The following ARPP21 variants were observed in gnomAD, a reference collection of about 807,000 sequenced individuals.
ARPP21 encodes the protein cAMP regulated phosphoprotein 21.
A neutral mutation model predicts 113.2 loss-of-function variants in ARPP21; 69 were observed. That is an observed-to-expected ratio of 0.61 (90% CI 0.50 to 0.74). The LOEUF is 0.74. Among genes scored for constraint, ARPP21 ranks in the 30% least tolerant of loss-of-function variants. The probability of loss-of-function intolerance (pLI) is 0.00; values close to 1 mark genes in which losing one functional copy is unlikely to be tolerated. For synonymous variants in ARPP21, 368 were observed against 375.5 expected, an observed-to-expected ratio of 0.98 and a Z score of 0.23; for missense variants, 1,070 against 1,037.4, an observed-to-expected ratio of 1.03 and a Z score of -0.43.
At position 35,688,652 on chromosome 3, in the gene ARPP21, G is replaced by A. The variant is rs186786468; in HGVS notation, c.407-655G>A. On this transcript the variant is annotated intron_variant, in intron 6 of 20. Transcript: ENST00000684406. ...TCTGGTCAACTGAGAAATGACAACCGCCTCTAACAGTTATGTGTTCTATAA... is the reference window on the plus strand; with the variant it reads ...TCTGGTCAACTGAGAAATGACAACCACCTCTAACAGTTATGTGTTCTATAA... Among the ~76,000 whole-genome samples the A allele has an allele frequency of 3.3e-3, 495 of 151,662 alleles. 2 individuals carry two copies. Among genetic ancestry groups the A allele is most frequent in the African/African-American group, 0.011 (473 of 41,472 alleles).
At position 35,729,308 on chromosome 3, in the gene ARPP21, G is replaced by T; in HGVS notation, c.1231G>T (p.Glu411Ter). The T allele has an allele frequency of 2.5e-6, 4 of 1,612,868 alleles. No homozygotes were observed. Among genetic ancestry groups the T allele is most frequent in the Non-Finnish European group, 3.4e-6 (4 of 1,178,984 alleles). ...TGATTGTATCCCTATGCCAGGTTCCGAGTCTTCCAGCAGTGCAGGCTCCTC... is the reference window on the plus strand; with the variant it reads ...TGATTGTATCCCTATGCCAGGTTCCTAGTCTTCCAGCAGTGCAGGCTCCTC... ...STGKLSKAGSESSSSAGSSGS... is the reference protein window; with the variant it reads ...STGKLSKAGS Residue 411 changes from glutamate to a stop codon, truncating the protein, a stop_gained, in exon 15 of 21, where the codon GAG becomes TAG. Transcript: ENST00000684406. LOFTEE classifies it high-confidence loss of function.
intron 19 of ARPP21, among the ~76,000 whole-genome samples, chr3:35,747,640 AG>A (rs2095150817): frequency 6.6e-6 from 1 of 151,884 alleles, no homozygotes; most frequent in Non-Finnish European, 1.5e-5. Context: ...CTCATTAGCC[AG>A]GCATGGTGGT....
At position 35,792,508 on chromosome 3, in the gene ARPP21, A is replaced by G. The variant is rs751398601; in HGVS notation, c.2264A>G (p.Tyr755Cys). The change falls in exon 20 of 21, where the codon TAC becomes TGC. Residue 755 changes from tyrosine to cysteine, a missense_variant. Coordinates refer to ENST00000684406, the MANE Select transcript of ARPP21 (RefSeq NM_001385562.1). ...GTPVQSVMVSYPTMSSYQVPM... is the reference protein window; with the variant it reads ...GTPVQSVMVSCPTMSSYQVPM... ...CCGGTGCAAAGCGTGATGGTTTCCT[A>G]CCCAACAATGTCTTCTTATCAGGTG... The G allele has an allele frequency of 6.2e-7, 1 of 1,614,092 alleles. No individual in the cohort carries two copies. Among genetic ancestry groups the G allele is most frequent in the South Asian group, 1.1e-5 (1 of 91,088 alleles).
At chr3:35,663,934 G>A (rs914210913) in intron 1 of ARPP21, among the ~76,000 whole-genome samples, 6 of 152,166 alleles carry the variant, frequency 3.9e-5, no homozygotes, top group Admixed American at 6.5e-5. Flanking sequence ...CTTTAGTTTT[G>A]TAATTATGCT....
chr3:35,729,604 GA>G, intron 15 of ARPP21, 68 bp downstream of exon 15: 8 of 1,352,970 alleles, frequency 5.9e-6, no homozygotes, highest in Non-Finnish European at 8.4e-6. Flanking sequence ...TTGATCTTAT[GA>G]ATTTGCTAGC....
chr3:35,748,025 CAGAA>C (rs1014767757), intron 19 of ARPP21, among the ~76,000 whole-genome samples: 1 of 81,714 alleles, frequency 1.2e-5, no homozygotes, highest in African/African-American at 5.0e-5. Flanking sequence ...GAAAGAAAGA[CAGAA>C]AGAGAAAGGA....
At chr3:35,773,603 T>A (rs2096270213) in intron 19 of ARPP21, among the ~76,000 whole-genome samples, 1 of 152,176 alleles carries the variant, frequency 6.6e-6, no homozygotes, top group South Asian at 2.1e-4. Flanking sequence ...CACACCTAGG[T>A]AAAGTGGTTG....
At chr3:35,651,151 G>C (rs548228288) in intron 1 of ARPP21, among the ~76,000 whole-genome samples, 1 of 152,190 alleles carries the variant, frequency 6.6e-6, no homozygotes, top group East Asian at 1.9e-4. Context: ...AGGAATAAAA[G>C]ATTTGATCTG....
chr3:35,682,728 C>G (rs1042794035), intron 3 of ARPP21, 120 bp from the exon 4 acceptor site: 6 of 817,866 alleles, frequency 7.3e-6, no homozygotes, highest in Admixed American at 3.0e-5. Flanking sequence ...ATTGACTTCT[C>G]TACTGTAGCC....
intron 11 of ARPP21, among the ~76,000 whole-genome samples, chr3:35,711,362 T>G (rs1346816400): frequency 6.6e-6 from 1 of 152,212 alleles, no homozygotes; most frequent in African/African-American, 2.4e-5. Context: ...TATCATATTC[T>G]TACAAGTTTC....
Position 35,683,753 on chromosome 3 carries a change from C to T in ARPP21, c.199C>T (p.Arg67Cys), listed in dbSNP as rs752159415. The change falls in exon 5 of 21, where the codon CGC (arginine) becomes TGC (cysteine). Residue 67 changes from arginine (R) to cysteine (C), a missense_variant. Physicochemically the swap from Arg to Cys is radical, Grantham distance 180 (BLOSUM62 -3). Transcript: ENST00000684406. ...AGGAGCAGGAAAAGGTAAACTGACT[C>T]GCAGCCTTGCTGTCTGTGAGGAATC... ...KSGAGKGKLT[R>C]SLAVCEESSA... 1.3e-6 allele frequency: 2 copies of T among 1,495,578 alleles called. No homozygotes were observed. The highest frequency in any genetic ancestry group is 1.9e-6 in the Non-Finnish European group (2 of 1,074,598). 92.6% of individuals were successfully genotyped at this position (1,495,578 alleles called of 1,614,324 possible). A position where few individuals can be genotyped will look rare whatever the true frequency, so the allele number is the denominator to read the frequency against.
intron 1 of ARPP21, among the ~76,000 whole-genome samples, chr3:35,647,884 A>T (rs9830436): frequency 0.048 from 7,233 of 152,266 alleles, 245 homozygotes; most frequent in Admixed American, 0.084. Flanking sequence ...AATAAGACCT[A>T]CCTTGCAGGA....
At chr3:35,784,759 C>T (rs573532631) in intron 19 of ARPP21, 46 of 152,256 alleles carry the variant, frequency 3.0e-4, no homozygotes, top group African/African-American at 1.1e-3. Flanking sequence ...TTATCGTTGA[C>T]TCCTTGGGAA....
rs116267604 is a variant in ARPP21 at position 35,719,597 on chromosome 3, T to A, written c.996-2008T>A. Among the ~76,000 whole-genome samples the A allele has an allele frequency of 6.9e-3, 1,055 of 152,254 alleles. 13 individuals are homozygous for A. The highest frequency in any genetic ancestry group is 0.024 in the African/African-American group (988 of 41,548). On this transcript the variant is annotated intron_variant, in intron 13 of 20. Coordinates refer to ENST00000684406, the MANE Select transcript of ARPP21 (RefSeq NM_001385562.1). Reference sequence around the variant, plus strand: ...CTTTACCTAAAAGGCACAGTCACACTGGCTTTTACAGAAAGTCTGGATTCC... The same window carrying A: ...CTTTACCTAAAAGGCACAGTCACACAGGCTTTTACAGAAAGTCTGGATTCC...
At chr3:35,671,367 C>T (rs2076302436) in intron 1 of ARPP21, among the ~76,000 whole-genome samples, 1 of 152,132 alleles carries the variant, frequency 6.6e-6, no homozygotes, top group Non-Finnish European at 1.5e-5. Context: ...TTTTATATTT[C>T]AAGTTGACCT....
At chr3:35,721,351 C>T (rs2093050445) in intron 13 of ARPP21, among the ~76,000 whole-genome samples, 1 of 152,168 alleles carries the variant, frequency 6.6e-6, no homozygotes, top group Non-Finnish European at 1.5e-5. Context: ...TTCTCCTTCA[C>T]CGACAGAGGG....
intron 1 of ARPP21, among the ~76,000 whole-genome samples, chr3:35,669,691 CT>C (rs147213472): frequency 0.011 from 1,728 of 152,268 alleles, 31 homozygotes; most frequent in African/African-American, 0.039. Flanking sequence ...AACTTCACAT[CT>C]TTCTTTCTGA....
intron 1 of ARPP21, among the ~76,000 whole-genome samples, chr3:35,645,302 A>G (rs1408526033): frequency 6.6e-6 from 1 of 152,048 alleles, no homozygotes; most frequent in Non-Finnish European, 1.5e-5. Flanking sequence ...AGATTTTGTT[A>G]ACAAAATCCC....
intron 7 of ARPP21, 53 bp downstream of exon 7, chr3:35,689,438 A>T (rs564376787): frequency 1.1e-6 from 1 of 909,246 alleles, no homozygotes; most frequent in Admixed American, 1.8e-5. Context: ...AGAATATTAC[A>T]ATCAAAGTTA....
Sources: allele counts gnomAD v4.1 joint callset (sites outside exome capture counted in the v4.1 genomes callset), GRCh38; gene constraint gnomAD v4.1.1; transcripts MANE v1.5; gene names NCBI Gene and HGNC (gene_info 2026-07-23, HGNC 2026-07-21).